JAKMIP1: variants seen among roughly 807,000 people sequenced by gnomAD.
JAKMIP1 encodes janus kinase and microtubule interacting protein 1, also known as janus kinase and microtubule-interacting protein 1.
JAKMIP1 carries 33 observed loss-of-function variants against 113.0 expected under a neutral mutation model. That is an observed-to-expected ratio of 0.29 (90% CI 0.22 to 0.39). JAKMIP1 has a LOEUF of 0.39. JAKMIP1 is among the 10% of genes least tolerant of loss of function. The pLI, the probability that JAKMIP1 is intolerant of heterozygous loss-of-function variation, is 1.00. For missense variants in JAKMIP1, 813 were observed against 1,080.5 expected, an observed-to-expected ratio of 0.75 and a Z score of 3.47; for synonymous variants, 480 against 459.9, an observed-to-expected ratio of 1.04 and a Z score of -0.56.
At chr4:6,149,805 G>A (rs1489403541) in intron 1 of JAKMIP1, among the ~76,000 whole-genome samples, 6 of 151,784 alleles carry the variant, frequency 4.0e-5, no homozygotes, top group Non-Finnish European at 5.9e-5. Flanking sequence ...AACGCTTCTC[G>A]CCCAGGCTCG....
chr4:6,187,511 G>C lies in JAKMIP1; in HGVS notation c.-148+12742C>G, dbSNP rs1726781447. On this transcript the variant is annotated intron_variant, in intron 1 of 20. Coordinates refer to ENST00000409021, the MANE Select transcript of JAKMIP1 (RefSeq NM_001099433.2). The surrounding 1 kb of genome is among the most constrained non-coding windows in gnomAD (Gnocchi z 4.2). Reference sequence around the variant, plus strand: ...CGTTTGGCAAGTGATTAGGTCACGAGGGCGAGCCCTCATAAATGAGATTAG... The same window carrying C: ...CGTTTGGCAAGTGATTAGGTCACGACGGCGAGCCCTCATAAATGAGATTAG... Among the ~76,000 whole-genome samples the C allele has an allele frequency of 6.6e-6, 1 of 152,352 alleles. No homozygotes were observed. The highest frequency in any genetic ancestry group is 1.9e-4 in the East Asian group (1 of 5,176).
Position 6,139,014 on chromosome 4 carries a change from C to T in JAKMIP1, c.-147-26017G>A, listed in dbSNP as rs1719673629. Among the ~76,000 whole-genome samples, 1 of 151,740 alleles carries T rather than the reference C, an allele frequency of 6.6e-6. No individual in the cohort carries two copies. Among genetic ancestry groups the T allele is most frequent in the African/African-American group, 2.4e-5 (1 of 41,202 alleles). On this transcript the variant is annotated intron_variant, in intron 1 of 20. Transcript: ENST00000409021. This position sits in a 1 kb window ranked among gnomAD's most constrained non-coding sequence, Gnocchi z 5.2. ...CACCCTGTCTGTTCATCCTCCATGG[C>T]CTTAGTCAAGCTGTTATTGTTTGCA...
At position 6,153,631 on chromosome 4, in the gene JAKMIP1, A is replaced by G. The variant is rs1244570763; in HGVS notation, c.-147-40634T>C. On this transcript the variant is annotated intron_variant, in intron 1 of 20. Coordinates refer to ENST00000409021, the MANE Select transcript of JAKMIP1 (RefSeq NM_001099433.2). This position sits in a 1 kb window ranked among gnomAD's most constrained non-coding sequence, Gnocchi z 4.9. ...AGAGAACGTTTTGTGGAAGGCCATCATGTTCCCGTGTGCCCCTCGGCACCT... is the reference window on the plus strand; with the variant it reads ...AGAGAACGTTTTGTGGAAGGCCATCGTGTTCCCGTGTGCCCCTCGGCACCT... 1.3e-5 allele frequency among the ~76,000 whole-genome samples: 2 copies of G among 152,184 alleles called. No individual in the cohort carries two copies. The highest frequency in any genetic ancestry group is 1.3e-4 in the Admixed American group (2 of 15,286).
In JAKMIP1 at chr4:6,184,491, C is replaced by T. The variant is rs1175786669; in HGVS notation, c.-148+15762G>A. 6.6e-6 allele frequency among the ~76,000 whole-genome samples: 1 copy of T among 152,146 alleles called. No individual in the cohort carries two copies. The highest frequency in any genetic ancestry group is 1.5e-5 in the Non-Finnish European group (1 of 68,028). Reference sequence around the variant, plus strand: ...CAAGTGCAGTATAAGAGCCAGGGTGCCTTCCCTCTTCCTCAAGAAAATACT... The same window carrying T: ...CAAGTGCAGTATAAGAGCCAGGGTGTCTTCCCTCTTCCTCAAGAAAATACT... On this transcript the variant is annotated intron_variant, in intron 1 of 20. Transcript: ENST00000409021. This position sits in a 1 kb window ranked among gnomAD's most constrained non-coding sequence, Gnocchi z 4.5.
At chr4:6,092,214 G>A (rs895152011) in intron 3 of JAKMIP1, among the ~76,000 whole-genome samples, 1 of 152,160 alleles carries the variant, frequency 6.6e-6, no homozygotes, top group Admixed American at 6.5e-5. Flanking sequence ...AGGTGTGGTG[G>A]AATCCCGGCC....
chr4:6,031,456 G>A lies in JAKMIP1; in HGVS notation c.2380-1675C>T, dbSNP rs182390306. Among the ~76,000 whole-genome samples, 193 of 152,214 alleles carry A rather than the reference G, an allele frequency of 1.3e-3. 1 individual carries two copies. Among genetic ancestry groups the A allele is most frequent in the African/African-American group, 4.3e-3 (178 of 41,530 alleles). On this transcript the variant is annotated intron_variant, in intron 19 of 20. Coordinates refer to ENST00000409021, the MANE Select transcript of JAKMIP1 (RefSeq NM_001099433.2). This position sits in a 1 kb window ranked among gnomAD's most constrained non-coding sequence, Gnocchi z 4.4. Reference sequence around the variant, plus strand: ...GAGGCATGAGGAGGGGTGAGGTATCGTGCCGTGGGCTGGAGGAGACGTGGA... The same window carrying A: ...GAGGCATGAGGAGGGGTGAGGTATCATGCCGTGGGCTGGAGGAGACGTGGA...
chr4:6,149,017 G>A (rs1721225153), intron 1 of JAKMIP1, among the ~76,000 whole-genome samples: 1 of 152,156 alleles, frequency 6.6e-6, no homozygotes, highest in Non-Finnish European at 1.5e-5. Context: ...TTGCAGGGGG[G>A]TGGCGGGAGT....
At chr4:6,028,382 G>A (rs929281204) in intron 20 of JAKMIP1, among the ~76,000 whole-genome samples, 14 of 152,292 alleles carry the variant, frequency 9.2e-5, no homozygotes, top group Middle Eastern at 3.4e-3. Context: ...ACAGATCCTC[G>A]GTCCACTTGC....
rs374429629 is a variant in JAKMIP1 at position 6,197,106 on chromosome 4, G to T, written c.-148+3147C>A. ...AAAGATGAGATAACCCGAGGCAGAA[G>T]CGGGAGGTTAAGTGCTGATATTTCC... On this transcript the variant is annotated intron_variant, in intron 1 of 20. Coordinates refer to ENST00000409021, the MANE Select transcript of JAKMIP1 (RefSeq NM_001099433.2). This position sits in a 1 kb window ranked among gnomAD's most constrained non-coding sequence, Gnocchi z 6.5. Among the ~76,000 whole-genome samples, 32 of 152,322 alleles carry T rather than the reference G, an allele frequency of 2.1e-4. No individual in the cohort carries two copies. Among genetic ancestry groups the T allele is most frequent in the African/African-American group, 7.5e-4 (31 of 41,580 alleles).
Position 6,142,345 on chromosome 4 carries a change from C to T in JAKMIP1, c.-147-29348G>A, listed in dbSNP as rs929773315. 4.6e-5 allele frequency among the ~76,000 whole-genome samples: 7 copies of T among 152,160 alleles called. No homozygotes were observed. The highest frequency in any genetic ancestry group is 1.0e-4 in the Non-Finnish European group (7 of 68,022). On this transcript the variant is annotated intron_variant, in intron 1 of 20. Transcript: ENST00000409021. The surrounding 1 kb of genome is among the most constrained non-coding windows in gnomAD (Gnocchi z 5.5). ...GCACAGGCAGGGGAAAGGGAGCCCCCGGGAGCTCTGTGCTTTAAAAGGGCA... is the reference window on the plus strand; with the variant it reads ...GCACAGGCAGGGGAAAGGGAGCCCCTGGGAGCTCTGTGCTTTAAAAGGGCA...
At chr4:6,195,354 G>A (rs1300168251) in intron 1 of JAKMIP1, among the ~76,000 whole-genome samples, 1 of 152,158 alleles carries the variant, frequency 6.6e-6, no homozygotes, top group South Asian at 2.1e-4. Flanking sequence ...CAGTGTGGAT[G>A]TACTTCATGC....
Position 6,049,768 on chromosome 4 carries a change from AC to A in JAKMIP1, c.1962+50del. ...ACAAAACAAAAGTCACACAGAATAC[AC>A]CCAGATCAAAACAAGAACACGAAAG... On this transcript the variant is annotated intron_variant, in intron 15 of 20. Transcript: ENST00000409021. This position sits in a 1 kb window ranked among gnomAD's most constrained non-coding sequence, Gnocchi z 7.0. The A allele has an allele frequency of 7.5e-7, 1 of 1,326,582 alleles. No homozygotes were observed. The highest frequency in any genetic ancestry group is 2.3e-5 in the East Asian group (1 of 43,540). The allele number at this position is 1,326,582 out of a possible 1,614,324, so 82.2% of individuals were successfully genotyped here. A position where few individuals can be genotyped will look rare whatever the true frequency, so the allele number is the denominator to read the frequency against.
rs774791885 is a variant in JAKMIP1 at position 6,171,144 on chromosome 4, CCAT to C, written c.-148+29106_-148+29108del. 1.2e-3 allele frequency among the ~76,000 whole-genome samples: 181 copies of C among 149,400 alleles called. 1 individual carries two copies. The highest frequency in any genetic ancestry group is 7.2e-3 in the Middle Eastern group (2 of 276). ...ATCATCATCTCCATCACCAGCACCA[CCAT>C]CATCACCACCACCATCTCCATCACC... is the stretch of plus-strand genomic sequence containing the variant. On this transcript the variant is annotated intron_variant, in intron 1 of 20. Coordinates refer to ENST00000409021, the MANE Select transcript of JAKMIP1 (RefSeq NM_001099433.2).
Position 6,042,402 on chromosome 4 carries a change from A to C in JAKMIP1, c.2029-175T>G, listed in dbSNP as rs1238798938. ...CTGTGGATGGCGTGGTTGTGTGTGCATGGTCCAGCCTGCATGTGCAGGAGG... is the reference window on the plus strand; with the variant it reads ...CTGTGGATGGCGTGGTTGTGTGTGCCTGGTCCAGCCTGCATGTGCAGGAGG... On this transcript the variant is annotated intron_variant, in intron 16 of 20. Coordinates refer to ENST00000409021, the MANE Select transcript of JAKMIP1 (RefSeq NM_001099433.2). The surrounding 1 kb of genome is among the most constrained non-coding windows in gnomAD (Gnocchi z 5.2). Among the ~76,000 whole-genome samples, 1 of 152,154 alleles carries C rather than the reference A, an allele frequency of 6.6e-6. No individual in the cohort carries two copies. The highest frequency in any genetic ancestry group is 1.9e-4 in the East Asian group (1 of 5,180).
chr4:6,115,544 G>T (rs180828693), intron 1 of JAKMIP1, among the ~76,000 whole-genome samples: 28 of 152,338 alleles, frequency 1.8e-4, no homozygotes, highest in Non-Finnish European at 2.8e-4. Flanking sequence ...GCACCCTGGG[G>T]ATACGGTGGA....
chr4:6,170,454 TCACCAC>T (rs1169801590), intron 1 of JAKMIP1, among the ~76,000 whole-genome samples: 1 of 143,460 alleles, frequency 7.0e-6, no homozygotes, highest in African/African-American at 2.6e-5. Flanking sequence ...TCCATCACCA[TCACCAC>T]CACCACCATT....
At chr4:6,100,015 T>G (rs1186103821) in intron 3 of JAKMIP1, among the ~76,000 whole-genome samples, 4 of 152,248 alleles carry the variant, frequency 2.6e-5, no homozygotes, top group Non-Finnish European at 4.4e-5. Context: ...GTTCTTCCTC[T>G]TATAAATATG....
rs1578404187 is a variant in JAKMIP1, at chr4:6,154,874, C to G, written c.-147-41877G>C. The stretch of plus-strand genomic sequence containing the variant: ...ATTCCTCGAAGGCCTATTCATCCAT[C>G]GCCTCCCACAGGAAGCCCCCTGAGA... On this transcript the variant is annotated intron_variant, in intron 1 of 20. Transcript: ENST00000409021. The surrounding 1 kb of genome is among the most constrained non-coding windows in gnomAD (Gnocchi z 4.2). Among the ~76,000 whole-genome samples, 1 of 152,092 alleles carries G rather than the reference C, an allele frequency of 6.6e-6. No homozygotes were observed. The highest frequency in any genetic ancestry group is 1.5e-5 in the Non-Finnish European group (1 of 68,016).
In JAKMIP1 at chr4:6,031,716, G is replaced by A. The variant is rs1712692000; in HGVS notation, c.2380-1935C>T. On this transcript the variant is annotated intron_variant, in intron 19 of 20. Coordinates refer to ENST00000409021, the MANE Select transcript of JAKMIP1 (RefSeq NM_001099433.2). The surrounding 1 kb of genome is among the most constrained non-coding windows in gnomAD (Gnocchi z 4.4). ...CTTTTGATTTCAGGATGATCACGGG[G>A]CAGCCAAACAGAATGGATTCCACGA... Among the ~76,000 whole-genome samples, 1 of 152,138 alleles carries A rather than the reference G, an allele frequency of 6.6e-6. No homozygotes were observed. Among genetic ancestry groups the A allele is most frequent in the Admixed American group, 6.5e-5 (1 of 15,282 alleles).
Sources: gnomAD v4.1 joint callset for allele counts (sites outside exome capture counted in the v4.1 genomes callset) on GRCh38, gnomAD v4.1.1 for gene constraint, Gnocchi (gnomAD v3.1) non-coding constraint, MANE v1.5 for transcripts, NCBI Gene and HGNC (gene_info 2026-07-23, HGNC 2026-07-21) for gene names.